ADGRL3: variants seen among roughly 807,000 people sequenced by gnomAD.
ADGRL3 encodes the protein adhesion G protein-coupled receptor L3.
ADGRL3 carries 62 observed loss-of-function variants against 153.5 expected under a neutral mutation model. That is an observed-to-expected ratio of 0.40 (90% confidence interval 0.33 to 0.50). ADGRL3 has a LOEUF of 0.50. Among genes scored for constraint, ADGRL3 ranks in the 20% least tolerant of loss-of-function variants. ADGRL3 has a pLI of 0.47. For missense variants in ADGRL3, 1,641 were observed against 1,859.4 expected, an observed-to-expected ratio of 0.88 and a Z score of 2.16; for synonymous variants, 710 against 672.5, an observed-to-expected ratio of 1.06 and a Z score of -0.86.
intron 4 of ADGRL3, among the ~76,000 whole-genome samples, chr4:61,518,505 T>C (rs2098510985): frequency 6.6e-6 from 1 of 152,224 alleles, no homozygotes; most frequent in South Asian, 2.1e-4. Flanking sequence ...GAATACTTTG[T>C]TTCAGTCAGG....
At chr4:61,498,316 C>T (rs956111563) in intron 3 of ADGRL3, among the ~76,000 whole-genome samples, 2 of 152,022 alleles carry the variant, frequency 1.3e-5, no homozygotes, top group African/African-American at 4.8e-5. Flanking sequence ...TTTAGGAGGC[C>T]GAGTTGGGCA....
intron 21 of ADGRL3, among the ~76,000 whole-genome samples, chr4:62,019,987 T>G (rs2099230444): frequency 6.6e-6 from 1 of 152,154 alleles, no homozygotes; most frequent in African/African-American, 2.4e-5. Flanking sequence ...AAACCTTGCC[T>G]GCTTCCAACT....
chr4:61,345,033 G>A (rs562853047), intron 1 of ADGRL3, among the ~76,000 whole-genome samples: 2 of 151,406 alleles, frequency 1.3e-5, no homozygotes, highest in Admixed American at 1.3e-4. Flanking sequence ...CCTGACCTCA[G>A]GTGATCCATC....
intron 4 of ADGRL3, among the ~76,000 whole-genome samples, chr4:61,563,321 T>C (rs879747064): frequency 2.4e-4 from 37 of 152,074 alleles, no homozygotes; most frequent in Non-Finnish European, 4.0e-4. Flanking sequence ...CAGTAAACCA[T>C]ACCATAAACA....
intron 8 of ADGRL3, among the ~76,000 whole-genome samples, chr4:61,760,480 G>A (rs918460230): frequency 9.9e-5 from 15 of 152,190 alleles, no homozygotes; most frequent in Non-Finnish European, 2.2e-4. Context: ...TAATCTCCTG[G>A]TGTGCCATTT....
chr4:61,883,329 C>A (rs1042073585), intron 9 of ADGRL3, among the ~76,000 whole-genome samples: 1 of 152,112 alleles, frequency 6.6e-6, no homozygotes, highest in African/African-American at 2.4e-5. Flanking sequence ...TCATTGCTTA[C>A]TTCTGTATCG....
chr4:61,243,214 C>G (rs549512512), intron 1 of ADGRL3, among the ~76,000 whole-genome samples: 53 of 151,998 alleles, frequency 3.5e-4, no homozygotes, highest in Non-Finnish European at 5.6e-4. Flanking sequence ...ACAAAACCAT[C>G]AGGTAGAGAT....
chr4:61,732,126 TTC>T (rs1455591547), intron 7 of ADGRL3, among the ~76,000 whole-genome samples: 3 of 152,144 alleles, frequency 2.0e-5, no homozygotes, highest in Non-Finnish European at 2.9e-5. Context: ...CTTCTTTCCT[TTC>T]TTTTTCTTCC....
intron 25 of ADGRL3, among the ~76,000 whole-genome samples, chr4:62,058,672 G>T (rs1016496997): frequency 6.6e-6 from 1 of 152,036 alleles, no homozygotes; most frequent in Non-Finnish European, 1.5e-5. Context: ...TCTTCAAACT[G>T]ACTAACCGGT....
At chr4:61,564,539 G>T (rs1306776665) in intron 4 of ADGRL3, among the ~76,000 whole-genome samples, 2 of 152,318 alleles carry the variant, frequency 1.3e-5, no homozygotes, top group East Asian at 3.9e-4. Flanking sequence ...TTCCAAAGTG[G>T]TGGAATTATA....
intron 1 of ADGRL3, among the ~76,000 whole-genome samples, chr4:61,239,927 T>C (rs186838504): frequency 6.6e-6 from 1 of 152,152 alleles, no homozygotes; most frequent in Admixed American, 6.6e-5. Context: ...GTACATTTAG[T>C]TCACTATTAG....
chr4:61,316,329 C>G (rs1386350239), intron 1 of ADGRL3, among the ~76,000 whole-genome samples: 2 of 151,928 alleles, frequency 1.3e-5, no homozygotes, highest in Non-Finnish European at 2.9e-5. Context: ...TATGGTAGGC[C>G]AAGTAGGGTA....
chr4:61,264,113 C>T (rs36001201), intron 1 of ADGRL3, among the ~76,000 whole-genome samples: 3,522 of 152,012 alleles, frequency 0.023, 55 homozygotes, highest in Non-Finnish European at 0.037. Context: ...TGGTTGGTTT[C>T]TAACTTTGAT....
chr4:61,549,200 G>A (rs929289417), intron 4 of ADGRL3, among the ~76,000 whole-genome samples: 2 of 152,026 alleles, frequency 1.3e-5, no homozygotes, highest in African/African-American at 2.4e-5. Context: ...CTGAGACTTT[G>A]CTGAAGTTGC....
intron 5 of ADGRL3, among the ~76,000 whole-genome samples, chr4:61,610,138 G>GATATAT (rs34171023): frequency 0.042 from 6,130 of 146,724 alleles, 220 homozygotes; most frequent in African/African-American, 0.091. Context: ...AGGGAAGTGA[G>GATATAT]ATATATATAT....
At position 61,517,334 on chromosome 4, in the gene ADGRL3, A is replaced by G. The variant is rs2098502723; in HGVS notation, c.75A>G (p.Arg25=). 1 of 703,318 alleles carries G rather than the reference A, an allele frequency of 1.4e-6. No individual in the cohort carries two copies. 43.6% of individuals were successfully genotyped at this position (703,318 alleles called of 1,614,324 possible). A position where few individuals can be genotyped will look rare whatever the true frequency, so the allele number is the denominator to read the frequency against. The part of the protein sequence containing the change: ...PIIHGGKHSE[R]HPALAAPLRH... ...CCGCAGGTGGCAAGCACAGTGAACGACATCCTGCCCTTGCTGCTCCATTGC... is the reference window on the plus strand; with the variant it reads ...CCGCAGGTGGCAAGCACAGTGAACGGCATCCTGCCCTTGCTGCTCCATTGC... The change falls in exon 4 of 27, where the codon CGA becomes CGG. Residue 25 remains arginine (R), a synonymous_variant. Coordinates refer to ENST00000683033, the MANE Select transcript of ADGRL3 (RefSeq NM_001387552.1).
rs150982495 is a variant in ADGRL3, at chr4:61,395,134, T to C, written c.-174+11945T>C. Among the ~76,000 whole-genome samples the C allele has an allele frequency of 2.4e-3, 364 of 152,162 alleles. 2 individuals carry two copies. The highest frequency in any genetic ancestry group is 7.8e-3 in the African/African-American group (324 of 41,568). On this transcript the variant is annotated intron_variant, in intron 2 of 26. Transcript: ENST00000683033. ...AAATATGCTGAATTAATAGTATTCT[T>C]GGATTGTCAGTTCCGGGACAATCTA...
chr4:61,933,007 G>A (rs1280883317), intron 13 of ADGRL3, among the ~76,000 whole-genome samples: 1 of 151,484 alleles, frequency 6.6e-6, no homozygotes, highest in Non-Finnish European at 1.5e-5. Context: ...AAACAACGAA[G>A]GACAGAACAG....
chr4:61,586,827 A>G (rs979737303), intron 4 of ADGRL3, among the ~76,000 whole-genome samples: 14 of 152,070 alleles, frequency 9.2e-5, no homozygotes, highest in Admixed American at 7.2e-4. Context: ...ACAATAGTGC[A>G]ATTTTTCAAT....
Sources: allele counts gnomAD v4.1 joint callset (sites outside exome capture counted in the v4.1 genomes callset), GRCh38; gene constraint gnomAD v4.1.1; transcripts MANE v1.5; gene names NCBI Gene and HGNC (gene_info 2026-07-23, HGNC 2026-07-21).